The following WNT3 variants were observed in gnomAD, a reference collection of about 807,000 sequenced individuals.
WNT3 encodes Wnt family member 3.
In WNT3, 7 loss-of-function variants were observed where a neutral mutation model predicts 34.2. That is an observed-to-expected ratio of 0.20 (90% confidence interval 0.12 to 0.38). The LOEUF is 0.38. Ranked by LOEUF, WNT3 falls within the 10% of genes least tolerant of loss-of-function variation. The probability of loss-of-function intolerance (pLI) is 1.00; values close to 1 mark genes in which losing one functional copy is unlikely to be tolerated. For synonymous variants in WNT3, 212 were observed against 211.5 expected, an observed-to-expected ratio of 1.00 and a Z score of -0.02; for missense variants, 267 against 499.8, an observed-to-expected ratio of 0.53 and a Z score of 4.44.
At chr17:46,813,144 A>G (rs181107422) in intron 1 of WNT3, among the ~76,000 whole-genome samples, 366 of 152,012 alleles carry the variant, frequency 2.4e-3, no homozygotes, top group Non-Finnish European at 3.7e-3. Context: ...ACAGAAAGAA[A>G]CGGGTGGACT....
At chr17:46,816,475 GCACACACA>G (rs113581876) in intron 1 of WNT3, among the ~76,000 whole-genome samples, 2,196 of 144,300 alleles carry the variant, frequency 0.015, 48 homozygotes, top group African/African-American at 0.046. Flanking sequence ...CAGAACACAC[GCACACACA>G]CACACACACA....
At chr17:46,774,718 A>G (rs2146387785) in intron 1 of WNT3, among the ~76,000 whole-genome samples, 1 of 152,310 alleles carries the variant, frequency 6.6e-6, no homozygotes, top group East Asian at 1.9e-4. Flanking sequence ...TTTTATAGTC[A>G]ACAACAGAAA....
chr17:46,818,474 C>T, intron 1 of WNT3, 44 bp downstream of exon 1: 1 of 1,567,120 alleles, frequency 6.4e-7, no homozygotes, highest in Admixed American at 1.9e-5. Context: ...TCCCCGGACG[C>T]GGCGGAGAAA....
chr17:46,771,470 C>T (rs1484249445), intron 2 of WNT3, among the ~76,000 whole-genome samples: 1 of 149,878 alleles, frequency 6.7e-6, no homozygotes, highest in Non-Finnish European at 1.5e-5. Flanking sequence ...CCGGGCCGCG[C>T]TGGGTTCCCA....
intron 1 of WNT3, among the ~76,000 whole-genome samples, chr17:46,782,148 C>G (rs2059467031): frequency 6.6e-6 from 1 of 152,254 alleles, no homozygotes; most frequent in Non-Finnish European, 1.5e-5. Context: ...GTCATGCCTT[C>G]TTTGCAGAAA....
chr17:46,781,834 C>T (rs1250583404), intron 1 of WNT3, among the ~76,000 whole-genome samples: 1 of 152,170 alleles, frequency 6.6e-6, no homozygotes, highest in Non-Finnish European at 1.5e-5. Flanking sequence ...TAGTCTAATT[C>T]CCTCTTCCTC....
intron 1 of WNT3, among the ~76,000 whole-genome samples, chr17:46,790,831 C>G (rs1163252999): frequency 6.6e-6 from 1 of 152,228 alleles, no homozygotes; most frequent in African/African-American, 2.4e-5. Context: ...GGCTACTGCG[C>G]TCGCGTTTTA....
chr17:46,785,973 G>T (rs978333126), intron 1 of WNT3, among the ~76,000 whole-genome samples: 2 of 152,218 alleles, frequency 1.3e-5, no homozygotes, highest in Admixed American at 6.5e-5. Context: ...TGACAAGACC[G>T]CCTGAAAAAT....
intron 1 of WNT3, among the ~76,000 whole-genome samples, chr17:46,779,211 T>A (rs1171306206): frequency 2.0e-5 from 3 of 152,032 alleles, no homozygotes; most frequent in Non-Finnish European, 2.9e-5. Context: ...TGCCCCTCAC[T>A]CGCCAGACCT....
intron 1 of WNT3, among the ~76,000 whole-genome samples, chr17:46,783,230 G>A (rs901669082): frequency 3.1e-4 from 47 of 152,318 alleles, no homozygotes; most frequent in African/African-American, 1.1e-3. Flanking sequence ...AAACCATGAA[G>A]GAGCAGCTGC....
intron 1 of WNT3, among the ~76,000 whole-genome samples, chr17:46,791,446 A>G (rs2083985579): frequency 1.3e-5 from 2 of 151,986 alleles, no homozygotes; most frequent in African/African-American, 4.8e-5. Context: ...ACCTCAAGTG[A>G]TCCGCCCGCC....
At chr17:46,766,156 C>A (rs2059310974) in intron 4 of WNT3, among the ~76,000 whole-genome samples, 1 of 152,146 alleles carries the variant, frequency 6.6e-6, no homozygotes, top group Admixed American at 6.5e-5. Context: ...CGCCTGTAAT[C>A]CCAGCACTTT....
intron 1 of WNT3, among the ~76,000 whole-genome samples, chr17:46,816,718 T>C (rs139659138): frequency 2.2e-3 from 328 of 152,304 alleles, no homozygotes; most frequent in African/African-American, 7.5e-3. Flanking sequence ...GAGTGCCCTC[T>C]TCTAGTTCAT....
At chr17:46,800,721 C>T (rs758126385) in intron 1 of WNT3, among the ~76,000 whole-genome samples, 36 of 152,214 alleles carry the variant, frequency 2.4e-4, no homozygotes, top group Admixed American at 5.2e-4. Context: ...TGAGGATCCA[C>T]TGTGTGCCCT....
chr17:46,797,851 G>A (rs1442611125), intron 1 of WNT3, among the ~76,000 whole-genome samples: 1 of 152,240 alleles, frequency 6.6e-6, no homozygotes, highest in Non-Finnish European at 1.5e-5. Flanking sequence ...GCCACATGCA[G>A]TATAACACCA....
intron 2 of WNT3, among the ~76,000 whole-genome samples, chr17:46,771,227 C>A (rs558395766): frequency 1.3e-5 from 2 of 152,180 alleles, no homozygotes; most frequent in East Asian, 1.9e-4. Context: ...GCCCGCGCCC[C>A]GCGCCTGCGC....
chr17:46,770,156 G>A, intron 2 of WNT3, 108 bp from the exon 3 acceptor site: 1 of 1,403,160 alleles, frequency 7.1e-7, no homozygotes, highest in Non-Finnish European at 9.4e-7. Context: ...AGGAAGAGTT[G>A]AAGAGCTCAC....
intron 1 of WNT3, among the ~76,000 whole-genome samples, chr17:46,817,201 C>G (rs1043165888): frequency 3.7e-4 from 57 of 152,296 alleles, no homozygotes; most frequent in African/African-American, 1.4e-3. Flanking sequence ...GGTGTGGCCC[C>G]CAAGTCTCGC....
intron 1 of WNT3, among the ~76,000 whole-genome samples, chr17:46,776,484 G>A (rs182973216): frequency 5.1e-4 from 77 of 152,200 alleles, no homozygotes; most frequent in African/African-American, 1.8e-3. Flanking sequence ...CATTATCATC[G>A]CCATTGTCCC....
Sources: gnomAD v4.1 joint callset for allele counts (sites outside exome capture counted in the v4.1 genomes callset) on GRCh38, gnomAD v4.1.1 for gene constraint, MANE v1.5 for transcripts, NCBI Gene and HGNC (gene_info 2026-07-23, HGNC 2026-07-21) for gene names.